FSHR: variants seen among roughly 807,000 people sequenced by gnomAD.
FSHR encodes follicle-stimulating hormone receptor.
Under a neutral mutation model 52.1 loss-of-function variants are expected in FSHR, and 46 were observed. That is an observed-to-expected ratio of 0.88 (90% CI 0.70 to 1.13). The LOEUF (loss-of-function observed/expected upper bound fraction) is 1.13. Among genes scored for constraint, FSHR ranks in the 50% most tolerant of loss-of-function variants. FSHR has a pLI of 0.00. For missense variants in FSHR, 964 were observed against 834.6 expected (o/e 1.16, Z -1.91); for synonymous variants, 399 against 309.6 (o/e 1.29, Z -3.03).
At chr2:49,009,364 C>G (rs1221620089) in intron 4 of FSHR, among the ~76,000 whole-genome samples, 2 of 152,014 alleles carry the variant, frequency 1.3e-5, no homozygotes, top group African/African-American at 4.8e-5. Flanking sequence ...TCTGAGGGCT[C>G]TGTTCTGTTC....
chr2:49,039,713 A>G (rs1668412641), intron 2 of FSHR, among the ~76,000 whole-genome samples: 1 of 152,144 alleles, frequency 6.6e-6, no homozygotes, highest in Non-Finnish European at 1.5e-5. Flanking sequence ...CTTTTTAAAT[A>G]TTTTAATGGC....
At chr2:49,150,942 T>A (rs1420441939) in intron 1 of FSHR, among the ~76,000 whole-genome samples, 1 of 152,096 alleles carries the variant, frequency 6.6e-6, no homozygotes, top group African/African-American at 2.4e-5. Context: ...ATCAAAATAA[T>A]GCTTTTTTGT....
intron 1 of FSHR, among the ~76,000 whole-genome samples, chr2:49,070,789 T>C (rs926842781): frequency 1.3e-5 from 2 of 152,164 alleles, no homozygotes; most frequent in East Asian, 3.9e-4. Context: ...TGAAATGTTA[T>C]AAACAAGATA....
intron 1 of FSHR, among the ~76,000 whole-genome samples, chr2:49,104,605 T>G (rs1416742493): frequency 6.6e-6 from 1 of 152,182 alleles, no homozygotes; most frequent in Non-Finnish European, 1.5e-5. Flanking sequence ...AAAAATGGTT[T>G]GCAGAAAGAT....
intron 6 of FSHR, among the ~76,000 whole-genome samples, chr2:48,983,762 G>T (rs140770036): frequency 5.3e-5 from 8 of 152,312 alleles, no homozygotes; most frequent in African/African-American, 1.4e-4. Flanking sequence ...GAAAGGAAGA[G>T]AAATCAATTA....
chr2:49,114,327 A>T (rs1398825119), intron 1 of FSHR, among the ~76,000 whole-genome samples: 1 of 152,186 alleles, frequency 6.6e-6, no homozygotes, highest in Non-Finnish European at 1.5e-5. Flanking sequence ...CTGTGGATGC[A>T]CACATTCATT....
chr2:49,052,186 C>T (rs991203242), intron 2 of FSHR, among the ~76,000 whole-genome samples: 4 of 152,168 alleles, frequency 2.6e-5, no homozygotes, highest in African/African-American at 9.7e-5. Flanking sequence ...GATTATGTCA[C>T]TTTGTTGCTC....
chr2:49,085,962 TGTG>T (rs1378493830), intron 1 of FSHR, among the ~76,000 whole-genome samples: 39 of 121,016 alleles, frequency 3.2e-4, no homozygotes, highest in Non-Finnish European at 4.1e-4. Flanking sequence ...TGGGGCCTGT[TGTG>T]GGGGGGGGGA....
At chr2:49,077,997 C>T (rs999709166) in intron 1 of FSHR, among the ~76,000 whole-genome samples, 1 of 152,156 alleles carries the variant, frequency 6.6e-6, no homozygotes, top group South Asian at 2.1e-4. Flanking sequence ...CTGTTTCCAA[C>T]CTCTGCCTGT....
chr2:48,977,078 G>T (rs370234024), intron 8 of FSHR, among the ~76,000 whole-genome samples: 6 of 151,904 alleles, frequency 3.9e-5, no homozygotes, highest in African/African-American at 1.5e-4. Flanking sequence ...TTCTGCACAT[G>T]TATCCCAGAA....
At chr2:49,071,141 C>T (rs1284018321) in intron 1 of FSHR, among the ~76,000 whole-genome samples, 2 of 152,106 alleles carry the variant, frequency 1.3e-5, no homozygotes, top group African/African-American at 4.8e-5. Context: ...ATATGGAGAA[C>T]TGGCAATTTA....
intron 1 of FSHR, among the ~76,000 whole-genome samples, chr2:49,087,219 G>C (rs1670434507): frequency 6.6e-6 from 1 of 151,792 alleles, no homozygotes; most frequent in South Asian, 2.1e-4. Context: ...TTGTTCAATG[G>C]AGGTTAGGCT....
Position 49,008,994 on chromosome 2 carries a change from G to A in FSHR, c.374+8495C>T, listed in dbSNP as rs561607261. Among the ~76,000 whole-genome samples the A allele has an allele frequency of 3.3e-5, 5 of 151,548 alleles. No homozygotes were observed. The East Asian group carries it at 9.8e-4, about 30-fold the overall frequency. On this transcript the variant is annotated intron_variant, in intron 4 of 9. Transcript: ENST00000406846. The stretch of plus-strand genomic sequence containing the variant: ...TTGTAGGTTGCCTGTTCCCTCTGAT[G>A]GTAGTTTCTTTTGCTGTGCAGAAGC...
chr2:49,113,191 T>G (rs1558448109), intron 1 of FSHR, among the ~76,000 whole-genome samples: 1 of 152,266 alleles, frequency 6.6e-6, no homozygotes, highest in East Asian at 1.9e-4. Context: ...CCTCCAGACA[T>G]GTGGGGCTCC....
chr2:49,139,205 A>G (rs959841484), intron 1 of FSHR, among the ~76,000 whole-genome samples: 11 of 152,186 alleles, frequency 7.2e-5, no homozygotes, highest in African/African-American at 2.4e-4. Context: ...TAGAACTTTA[A>G]AAAGGGATTT....
At chr2:49,026,929 C>T (rs116511137) in intron 2 of FSHR, among the ~76,000 whole-genome samples, 1,540 of 152,226 alleles carry the variant, frequency 0.01, 20 homozygotes, top group African/African-American at 0.035. Context: ...GAGGTGCCCT[C>T]TGAGACCAGC....
At chr2:49,131,916 G>A (rs563286504) in intron 1 of FSHR, among the ~76,000 whole-genome samples, 3 of 152,120 alleles carry the variant, frequency 2.0e-5, no homozygotes, top group Admixed American at 1.3e-4. Context: ...GTTTATTCAA[G>A]TGTAGTTACC....
intron 1 of FSHR, among the ~76,000 whole-genome samples, chr2:49,093,686 C>A (rs1365305764): frequency 6.6e-6 from 1 of 151,310 alleles, no homozygotes; most frequent in African/African-American, 2.4e-5. Context: ...CCTCTGCCTC[C>A]CGGGTTCAAG....
chr2:49,003,370 C>T (rs1304642660), intron 4 of FSHR, among the ~76,000 whole-genome samples: 1 of 152,108 alleles, frequency 6.6e-6, no homozygotes, highest in Non-Finnish European at 1.5e-5. Context: ...GATTGGATGT[C>T]AGTGGAATCT....
Sources: allele counts gnomAD v4.1 joint callset (sites outside exome capture counted in the v4.1 genomes callset), GRCh38; gene constraint gnomAD v4.1.1; transcripts MANE v1.5; gene names NCBI Gene and HGNC (gene_info 2026-07-23, HGNC 2026-07-21).